The following RANBP2 variants were observed in gnomAD, a reference collection of about 807,000 sequenced individuals.
The protein encoded by RANBP2 is E3 SUMO-protein ligase RanBP2.
In RANBP2, 57 loss-of-function variants were observed where a neutral mutation model predicts 303.6. The observed-to-expected ratio is 0.19, with a 90% CI of 0.15 to 0.23. The LOEUF is 0.23. Among genes scored for constraint, RANBP2 ranks in the 10% least tolerant of loss-of-function variants. The pLI, the probability that RANBP2 is intolerant of heterozygous loss-of-function variation, is 1.00. For synonymous variants in RANBP2, 1,167 were observed against 1,301.5 expected (o/e 0.90, Z 2.23); for missense variants, 3,138 against 3,780.8 (o/e 0.83, Z 4.46).
the RANBP2 span, among the ~76,000 whole-genome samples, chr2:109,270,027 T>C: frequency 6.6e-6 from 1 of 152,208 alleles, no homozygotes; most frequent in South Asian, 2.1e-4. Flanking sequence ...TAGATTGCGA[T>C]TGAAGCCACT....
the RANBP2 span, among the ~76,000 whole-genome samples, chr2:109,527,793 A>T: frequency 6.6e-6 from 1 of 152,222 alleles, no homozygotes; most frequent in Non-Finnish European, 1.5e-5. Context: ...AATCTTAGCA[A>T]GTTTGCTTTG....
chr2:109,496,181 G>A, the RANBP2 span, among the ~76,000 whole-genome samples: 2 of 152,136 alleles, frequency 1.3e-5, no homozygotes. Context: ...CTGCTGATTG[G>A]TGCATTTTAC....
the RANBP2 span, chr2:109,567,949 C>T: frequency 1.9e-6 from 3 of 1,612,356 alleles, no homozygotes; most frequent in Non-Finnish European, 2.5e-6. Flanking sequence ...ACCGTATCTG[C>T]TTTGGCAATC....
At chr2:108,919,108 A>G in the RANBP2 span, among the ~76,000 whole-genome samples, 1 of 152,178 alleles carries the variant, frequency 6.6e-6, no homozygotes, top group Non-Finnish European at 1.5e-5. Flanking sequence ...GCTCTGAGCC[A>G]GGAGCAACTG....
chr2:108,821,669 G>A, the RANBP2 span, among the ~76,000 whole-genome samples: 1 of 152,126 alleles, frequency 6.6e-6, no homozygotes, highest in African/African-American at 2.4e-5. Flanking sequence ...TCCTGGCCGA[G>A]TGTGGTGCCT....
chr2:109,286,747 T>C, the RANBP2 span, among the ~76,000 whole-genome samples: 2 of 152,206 alleles, frequency 1.3e-5, no homozygotes, highest in African/African-American at 4.8e-5. Context: ...GTGTTGGGTT[T>C]CCCTACAGAG....
the RANBP2 span, among the ~76,000 whole-genome samples, chr2:109,180,122 T>G: frequency 2.0e-5 from 3 of 152,044 alleles, no homozygotes; most frequent in Middle Eastern, 6.8e-3. Flanking sequence ...GGAGAAGTTT[T>G]TTTTTTTTTC....
At chr2:109,732,890 G>C in the RANBP2 span, 4 of 950,456 alleles carry the variant, frequency 4.2e-6, no homozygotes, top group South Asian at 5.1e-5. Flanking sequence ...TGTGGTCTGA[G>C]AACTAGATGG....
the RANBP2 span, among the ~76,000 whole-genome samples, chr2:108,995,574 C>T: frequency 6.6e-6 from 1 of 152,216 alleles, no homozygotes; most frequent in African/African-American, 2.4e-5. Context: ...CCTGCCACCT[C>T]TTCCCAGCCT....
the RANBP2 span, chr2:109,503,294 GGATGTAACCAATTCCAGAAATA>G: frequency 6.6e-6 from 1 of 152,240 alleles, no homozygotes; most frequent in East Asian, 1.9e-4. Context: ...TGGTTTTCAG[GGATGTAACCAATTCCAGAAATA>G]CATTCTTTTG....
chr2:108,931,042 A>G, the RANBP2 span: 1 of 1,613,482 alleles, frequency 6.2e-7, no homozygotes, highest in Middle Eastern at 1.7e-4. Flanking sequence ...CCTGAAAGAC[A>G]TGCGTCATTA....
At chr2:108,790,052 T>A (rs1679643445), downstream of RANBP2, among the ~76,000 whole-genome samples, 1 of 152,234 alleles carries the variant, frequency 6.6e-6, no homozygotes, top group Non-Finnish European at 1.5e-5. Flanking sequence ...TGACTTTTTT[T>A]AATACAGTTT....
chr2:109,697,144 CTTTT>C, the RANBP2 span, among the ~76,000 whole-genome samples: 1 of 152,160 alleles, frequency 6.6e-6, no homozygotes, highest in South Asian at 2.1e-4. Flanking sequence ...GTTTGCACTT[CTTTT>C]GTTTGATTTA....
chr2:109,504,223 C>G, the RANBP2 span: 7 of 152,368 alleles, frequency 4.6e-5, no homozygotes, highest in Non-Finnish European at 8.8e-5. Flanking sequence ...ATGTTTCATC[C>G]TGGCCCCATG....
chr2:109,670,874 C>T, the RANBP2 span, among the ~76,000 whole-genome samples: 1 of 152,202 alleles, frequency 6.6e-6, no homozygotes, highest in Non-Finnish European at 1.5e-5. Context: ...TGAGTTTCTG[C>T]TGCTCCTGCT....
the RANBP2 span, among the ~76,000 whole-genome samples, chr2:109,468,110 C>T: frequency 4.6e-5 from 7 of 152,346 alleles, no homozygotes; most frequent in African/African-American, 1.4e-4. Flanking sequence ...AAAGGGAATA[C>T]GTTCTGAAAA....
chr2:109,578,314 A>T, the RANBP2 span, among the ~76,000 whole-genome samples: 5 of 152,238 alleles, frequency 3.3e-5, no homozygotes, highest in South Asian at 8.3e-4. Flanking sequence ...AGGGCACAGA[A>T]AGGTTGAAAG....
chr2:109,570,096 T>C, the RANBP2 span, among the ~76,000 whole-genome samples: 1 of 152,198 alleles, frequency 6.6e-6, no homozygotes, highest in Non-Finnish European at 1.5e-5. Context: ...TCCTAGTTTT[T>C]CTTTTAAACT....
the RANBP2 span, among the ~76,000 whole-genome samples, chr2:109,343,844 A>G: frequency 1.3e-5 from 2 of 151,018 alleles, no homozygotes; most frequent in African/African-American, 4.9e-5. Context: ...TCCCAGGCTC[A>G]CTCAGTTTTC....
Sources: gnomAD v4.1 joint callset for allele counts (sites outside exome capture counted in the v4.1 genomes callset) on GRCh38, gnomAD v4.1.1 for gene constraint, MANE v1.5 for transcripts, NCBI Gene and HGNC (gene_info 2026-07-23, HGNC 2026-07-21) for gene names.